PTPN14: variants seen among roughly 807,000 people sequenced by gnomAD.
PTPN14 encodes the protein protein tyrosine phosphatase non-receptor type 14.
PTPN14 carries 53 observed loss-of-function variants against 126.8 expected under a neutral mutation model. The observed-to-expected ratio is 0.42, with a 90% CI of 0.34 to 0.53. The LOEUF is 0.53. PTPN14 is among the 20% of genes least tolerant of loss of function. The pLI is 0.08. For synonymous variants in PTPN14, 630 were observed against 599.3 expected, an observed-to-expected ratio of 1.05 and a Z score of -0.75; for missense variants, 1,257 against 1,552.9, an observed-to-expected ratio of 0.81 and a Z score of 3.20.
At chr1:214,375,865 C>T (rs1658331271) in intron 15 of PTPN14, among the ~76,000 whole-genome samples, 1 of 152,132 alleles carries the variant, frequency 6.6e-6, no homozygotes, top group African/African-American at 2.4e-5. Context: ...TAACGCAATA[C>T]CTGTAACTTC....
intron 1 of PTPN14, among the ~76,000 whole-genome samples, chr1:214,506,284 T>G (rs1454333872): frequency 3.3e-5 from 5 of 152,068 alleles, no homozygotes; most frequent in Non-Finnish European, 7.4e-5. Flanking sequence ...GTGGGAGGAT[T>G]GCTCGAGGTC....
In PTPN14 at chr1:214,350,021, G is replaced by C. The variant is rs1386054981; in HGVS notation, c.*7901C>G. On this transcript the variant is annotated 3_prime_UTR_variant, in exon 19 of 19. Transcript: ENST00000366956. ...AAGGCTCCGCCCCAAGCCACAAAAA[G>C]ATCCCAATCCAATCTTTTCAGCTTT... 1.3e-5 allele frequency: 2 copies of C among 152,204 alleles called. No individual in the cohort carries two copies. Among genetic ancestry groups the C allele is most frequent in the Non-Finnish European group, 2.9e-5 (2 of 68,036 alleles). 9.4% of individuals were successfully genotyped at this position (152,204 alleles called of 1,614,324 possible).
At chr1:214,449,525 T>TA (rs1660225043) in intron 3 of PTPN14, among the ~76,000 whole-genome samples, 1 of 152,204 alleles carries the variant, frequency 6.6e-6, no homozygotes, top group Non-Finnish European at 1.5e-5. Flanking sequence ...ACCTTGCACT[T>TA]AATGGCCGAG....
At chr1:214,433,944 A>C in intron 3 of PTPN14, among the ~76,000 whole-genome samples, 1 of 16,400 alleles carries the variant, frequency 6.1e-5, no homozygotes, top group African/African-American at 6.5e-4. Flanking sequence ...ACACACACAC[A>C]CACACACAAA....
At chr1:214,391,909 T>C (rs61346251) in intron 10 of PTPN14, among the ~76,000 whole-genome samples, 21 of 152,298 alleles carry the variant, frequency 1.4e-4, no homozygotes, top group African/African-American at 5.1e-4. Flanking sequence ...CTATGTTATA[T>C]ATACCGCCGC....
rs1271680722 is a variant in PTPN14 at position 214,452,009 on chromosome 1, TCAC to T, written c.175-38_175-36del. 5 of 1,590,994 alleles carry T rather than the reference TCAC, an allele frequency of 3.1e-6. 1 individual carries two copies. Among genetic ancestry groups the T allele is most frequent in the Non-Finnish European group, 3.4e-6 (4 of 1,167,552 alleles). ...AGGGTAAAATAGCATCAGTTCATGC[TCAC>T]CACAAGCATCCCAAGGCCACACAAG... On this transcript the variant is annotated intron_variant, in intron 2 of 18. Transcript: ENST00000366956.
At chr1:214,532,357 G>T in intron 1 of PTPN14, 1 of 574,524 alleles carries the variant, frequency 1.7e-6, no homozygotes, top group South Asian at 1.8e-5. Context: ...GATGGCTTGG[G>T]GTCCCGGGGC....
intron 2 of PTPN14, among the ~76,000 whole-genome samples, chr1:214,455,381 T>TA (rs1448857252): frequency 6.6e-6 from 1 of 152,124 alleles, no homozygotes; most frequent in African/African-American, 2.4e-5. Context: ...ACCAAGAGGA[T>TA]CCCATCATAT....
At chr1:214,480,962 C>A (rs946089628) in intron 1 of PTPN14, among the ~76,000 whole-genome samples, 1 of 151,912 alleles carries the variant, frequency 6.6e-6, no homozygotes, top group Non-Finnish European at 1.5e-5. Context: ...GAGGCAAGGG[C>A]GAGAAAGAAA....
chr1:214,535,753 T>C (rs1571655222), intron 1 of PTPN14, among the ~76,000 whole-genome samples: 1 of 146,612 alleles, frequency 6.8e-6, no homozygotes, highest in East Asian at 2.0e-4. Context: ...CACTCCAGTC[T>C]GGGCAACAGA....
intron 1 of PTPN14, among the ~76,000 whole-genome samples, chr1:214,536,091 T>C (rs1337268575): frequency 5.2e-5 from 6 of 115,496 alleles, no homozygotes; most frequent in East Asian, 2.9e-4. Flanking sequence ...CTTTCAATAA[T>C]AACAACAACA....
chr1:214,497,011 T>C (rs906018178), intron 1 of PTPN14, among the ~76,000 whole-genome samples: 3 of 151,936 alleles, frequency 2.0e-5, no homozygotes, highest in Admixed American at 1.3e-4. Context: ...TGAGAGACCA[T>C]ACAGATTTTA....
At chr1:214,516,391 T>C (rs1030787236) in intron 1 of PTPN14, among the ~76,000 whole-genome samples, 3 of 152,188 alleles carry the variant, frequency 2.0e-5, no homozygotes, top group Non-Finnish European at 2.9e-5. Context: ...AGGATGGCAG[T>C]GACCAGTGAG....
chr1:214,478,635 G>A (rs2102672025), intron 1 of PTPN14, among the ~76,000 whole-genome samples: 1 of 152,312 alleles, frequency 6.6e-6, no homozygotes, highest in South Asian at 2.1e-4. Flanking sequence ...GGTTCCTTCA[G>A]TAGAACACTC....
intron 14 of PTPN14, among the ~76,000 whole-genome samples, chr1:214,377,448 A>G (rs919035628): frequency 1.3e-5 from 2 of 152,290 alleles, no homozygotes; most frequent in Admixed American, 6.5e-5. Context: ...CTGGGTGATG[A>G]AATAATACGT....
At chr1:214,548,965 T>C (rs1258585621) in intron 1 of PTPN14, among the ~76,000 whole-genome samples, 3 of 152,210 alleles carry the variant, frequency 2.0e-5, no homozygotes, top group Non-Finnish European at 4.4e-5. Flanking sequence ...GGCAAATGTC[T>C]GGGATTAGTG....
intron 7 of PTPN14, among the ~76,000 whole-genome samples, chr1:214,398,613 AT>A (rs56339386): frequency 0.016 from 1,704 of 108,842 alleles, 28 homozygotes; most frequent in African/African-American, 0.042. Flanking sequence ...TGCCCTGCTA[AT>A]TTTTTTTTTT....
At chr1:214,500,736 T>C (rs1291502163) in intron 1 of PTPN14, among the ~76,000 whole-genome samples, 1 of 151,866 alleles carries the variant, frequency 6.6e-6, no homozygotes, top group Non-Finnish European at 1.5e-5. Flanking sequence ...CTATCTAAGG[T>C]CTTCATTAAA....
At chr1:214,541,124 AACTATTATTAGGGATATTAT>A (rs1655824458) in intron 1 of PTPN14, among the ~76,000 whole-genome samples, 1 of 152,176 alleles carries the variant, frequency 6.6e-6, no homozygotes, top group Non-Finnish European at 1.5e-5. Flanking sequence ...ATGATAATAT[AACTATTATTAGGGATATTAT>A]TATCCCTAAT....
Sources: allele counts gnomAD v4.1 joint callset (sites outside exome capture counted in the v4.1 genomes callset), GRCh38; gene constraint gnomAD v4.1.1; transcripts MANE v1.5; gene names NCBI Gene and HGNC (gene_info 2026-07-23, HGNC 2026-07-21).